GAREM2: variants seen among roughly 807,000 people sequenced by gnomAD.
The protein encoded by GAREM2 is GRB2 associated regulator of MAPK1 subtype 2.
Under a neutral mutation model 55.6 loss-of-function variants are expected in GAREM2, and 30 were observed. That is an observed-to-expected ratio of 0.54 (90% CI 0.40 to 0.73). The LOEUF is 0.73. GAREM2 is among the 30% of genes least tolerant of loss of function. The probability of loss-of-function intolerance (pLI) is 0.00; values close to 1 mark genes in which losing one functional copy is unlikely to be tolerated. For missense variants in GAREM2, 1,075 were observed against 1,257.7 expected (o/e 0.85, Z 2.20); for synonymous variants, 550 against 569.1 (o/e 0.97, Z 0.48).
chr2:26,201,855 C>T, the GAREM2 span, among the ~76,000 whole-genome samples: 48 of 151,424 alleles, frequency 3.2e-4, no homozygotes, highest in Non-Finnish European at 6.2e-4. Context: ...AGTGCAGTGG[C>T]GTGATCTCAG....
intron 2 of GAREM2, chr2:26,182,349 T>C: frequency 6.6e-7 from 1 of 1,508,696 alleles, no homozygotes; most frequent in Non-Finnish European, 8.9e-7. Flanking sequence ...GGATTGGATA[T>C]TGGACCAGGG....
At chr2:26,195,343 A>C in the GAREM2 span, 6 of 930,476 alleles carry the variant, frequency 6.4e-6, no homozygotes, top group African/African-American at 8.1e-5. Flanking sequence ...TGATATAGGA[A>C]TACTGCTTGA....
At chr2:26,193,483 TC>T, downstream of GAREM2, 1 of 1,075,986 alleles carries the variant, frequency 9.3e-7, no homozygotes, top group Non-Finnish European at 1.5e-6. Context: ...TAGAAAACTT[TC>T]TTCCACGAGG....
At position 26,179,334 on chromosome 2, in the gene GAREM2, C is replaced by G. The variant is rs1263005453; in HGVS notation, c.253+2850C>G. Among the ~76,000 whole-genome samples the G allele has an allele frequency of 6.6e-6, 1 of 152,238 alleles. No homozygotes were observed. Among genetic ancestry groups the G allele is most frequent in the Non-Finnish European group, 1.5e-5 (1 of 68,048 alleles). ...AACTAGGATGTTTCCATTTTACAGA[C>G]GGGAAATCCGAAGCCCAGAGAGATT... On this transcript the variant is annotated intron_variant, in intron 2 of 5. Coordinates refer to ENST00000401533, the MANE Select transcript of GAREM2 (RefSeq NM_001168241.2). This position sits in a 1 kb window ranked among gnomAD's most constrained non-coding sequence, Gnocchi z 4.7.
chr2:26,201,082 T>TA, the GAREM2 span: 1,952 of 1,145,808 alleles, frequency 1.7e-3, no homozygotes, highest in Non-Finnish European at 2.2e-3. Flanking sequence ...ATAGCTCCTT[T>TA]AAAAAAAAAA....
At chr2:26,181,897 T>G in intron 2 of GAREM2, 1 of 525,796 alleles carries the variant, frequency 1.9e-6, no homozygotes, top group Non-Finnish European at 2.4e-6. Context: ...GAGGATCCCT[T>G]GAGCCCAGAA....
the GAREM2 span, chr2:26,197,921 T>C: frequency 1.0e-3 from 737 of 710,214 alleles, 2 homozygotes; most frequent in East Asian, 2.6e-3. Context: ...CACCCAGACA[T>C]TGACGGATCA....
At chr2:26,173,613 G>A (rs1013585532) in intron 1 of GAREM2, among the ~76,000 whole-genome samples, 1 of 152,026 alleles carries the variant, frequency 6.6e-6, no homozygotes, top group Admixed American at 6.5e-5. Context: ...CCGAGCCCCT[G>A]CTCCCGCCCC....
downstream of GAREM2, chr2:26,190,758 C>T (rs1669469761): frequency 4.5e-6 from 1 of 220,288 alleles, no homozygotes; most frequent in South Asian, 7.5e-5. Flanking sequence ...ATCCCAGTCC[C>T]TCCCTAAGGT....
At chr2:26,178,256 A>T (rs1193255229) in intron 2 of GAREM2, among the ~76,000 whole-genome samples, 1 of 152,234 alleles carries the variant, frequency 6.6e-6, no homozygotes, top group East Asian at 1.9e-4. Flanking sequence ...GGGAGGTCCC[A>T]GGTCTTCTTG....
the GAREM2 span, chr2:26,201,011 C>T: frequency 3.0e-5 from 22 of 734,164 alleles, no homozygotes; most frequent in African/African-American, 2.1e-4. Flanking sequence ...GGATTATAGG[C>T]GTGAGCCACC....
chr2:26,182,086 C>T, intron 2 of GAREM2: 5 of 1,065,040 alleles, frequency 4.7e-6, no homozygotes, highest in Non-Finnish European at 5.7e-6. Flanking sequence ...GGCCATCCAT[C>T]AGATGCCAGG....
chr2:26,178,173 C>T (rs528876693), intron 2 of GAREM2, among the ~76,000 whole-genome samples: 9 of 152,328 alleles, frequency 5.9e-5, no homozygotes, highest in African/African-American at 1.7e-4. Context: ...TTCTTTCTGA[C>T]CTGGGGTTCT....
chr2:26,201,157 C>T, the GAREM2 span: 2 of 1,612,304 alleles, frequency 1.2e-6, no homozygotes, highest in Admixed American at 1.7e-5. Context: ...ACCGCTTCTA[C>T]TTCCTTTAGC....
downstream of GAREM2, chr2:26,192,305 C>T: frequency 6.8e-7 from 1 of 1,464,586 alleles, no homozygotes; most frequent in Non-Finnish European, 9.6e-7. Flanking sequence ...CTCAAACGGA[C>T]TTACACTTCA....
intron 2 of GAREM2, chr2:26,182,183 C>G: frequency 7.4e-7 from 1 of 1,347,422 alleles, no homozygotes; most frequent in South Asian, 1.8e-5. Flanking sequence ...ACAGGGATGT[C>G]AGCTTCACAG....
the GAREM2 span, chr2:26,203,912 C>T: frequency 3.2e-5 from 25 of 784,556 alleles, no homozygotes; most frequent in East Asian, 4.2e-4. Flanking sequence ...GGCTTCACTA[C>T]GGAGTATCTA....
At chr2:26,180,102 G>A (rs1210801941) in intron 2 of GAREM2, among the ~76,000 whole-genome samples, 1 of 152,102 alleles carries the variant, frequency 6.6e-6, no homozygotes. Flanking sequence ...CTTCCCAGGA[G>A]GGTCCCAGGG....
rs1389665409 is a variant in GAREM2, at chr2:26,184,394, G to T, written c.546G>T (p.Gly182=). Residue 182 remains glycine (G), a synonymous_variant, in exon 4 of 6, where the codon GGG becomes GGT. Coordinates refer to ENST00000401533, the MANE Select transcript of GAREM2 (RefSeq NM_001168241.2). The part of the protein sequence containing the change: ...TTLLRKLGRA[G]ALAGVGGGGP... ...TCCTGCGAAAGCTGGGCCGGGCCGG[G>T]GCGCTGGCCGGGGTGGGCGGCGGCG... is the stretch of plus-strand genomic sequence containing the variant. The T allele has an allele frequency of 2.0e-6, 3 of 1,523,704 alleles. No homozygotes were observed. Among genetic ancestry groups the T allele is most frequent in the African/African-American group, 1.4e-5 (1 of 70,516 alleles). 94.4% of individuals were successfully genotyped at this position (1,523,704 alleles called of 1,614,324 possible).
Sources: gnomAD v4.1 joint callset for allele counts (sites outside exome capture counted in the v4.1 genomes callset) on GRCh38, gnomAD v4.1.1 for gene constraint, Gnocchi (gnomAD v3.1) non-coding constraint, MANE v1.5 for transcripts, NCBI Gene and HGNC (gene_info 2026-07-23, HGNC 2026-07-21) for gene names.